ATP12A: variants seen among roughly 807,000 people sequenced by gnomAD.
The protein encoded by ATP12A is potassium-transporting ATPase alpha chain 2.
A neutral mutation model predicts 111.2 loss-of-function variants in ATP12A; 81 were observed. The ratio of observed to expected loss-of-function variants is 0.73; its 90% confidence interval spans 0.61 to 0.88. The LOEUF (loss-of-function observed/expected upper bound fraction) is 0.88, where lower values mean the gene tolerates loss of function less well. ATP12A is among the 40% of genes least tolerant of loss of function. ATP12A has a pLI of 0.00. For synonymous variants in ATP12A, 498 were observed against 499.8 expected, an observed-to-expected ratio of 1.00 and a Z score of 0.05; for missense variants, 1,196 against 1,313.1, an observed-to-expected ratio of 0.91 and a Z score of 1.38.
rs562044736 is a variant in ATP12A, at chr13:24,705,309, G to T, written c.2019-1004G>T. ...ATGTCAGAACTGAGAGCATCCAGCG[G>T]GCAGGAGGGAGAGCCCAAGGTGAGG... On this transcript the variant is annotated intron_variant, in intron 14 of 22. Coordinates refer to ENST00000381946, the MANE Select transcript of ATP12A (RefSeq NM_001676.7). Among the ~76,000 whole-genome samples the T allele has an allele frequency of 4.6e-5, 7 of 152,322 alleles. No individual in the cohort carries two copies. In the East Asian group the frequency reaches 1.4e-3, roughly 29 times the overall value.
At chr13:24,699,355 C>A (rs902397362) in intron 12 of ATP12A, among the ~76,000 whole-genome samples, 6 of 151,938 alleles carry the variant, frequency 3.9e-5, no homozygotes, top group Admixed American at 2.6e-4. Flanking sequence ...GCTGGGCAGT[C>A]GCAGGGCTGG....
chr13:24,697,964 C>G (rs1434700507), intron 11 of ATP12A, among the ~76,000 whole-genome samples: 2 of 152,124 alleles, frequency 1.3e-5, no homozygotes, highest in Non-Finnish European at 2.9e-5. Context: ...TGAGATTCCT[C>G]TTGAGTGCTT....
At chr13:24,686,440 C>CAAAA (rs60902451) in intron 3 of ATP12A, among the ~76,000 whole-genome samples, 9,039 of 93,464 alleles carry the variant, frequency 0.097, 429 homozygotes, top group Non-Finnish European at 0.14. Context: ...AACTCCATCT[C>CAAAA]AAAAAAAAAA....
chr13:24,711,222 G>A lies in ATP12A; in HGVS notation c.3000-96G>A, dbSNP rs569517062. Reference sequence around the variant, plus strand: ...TGGATTTGTCGTTCTTTGCAGTAAAGCAAGACAAATGAACGAGAAGCCCCA... The same window carrying A: ...TGGATTTGTCGTTCTTTGCAGTAAAACAAGACAAATGAACGAGAAGCCCCA... On this transcript the variant is annotated intron_variant, in intron 21 of 22. Transcript: ENST00000381946. The A allele has an allele frequency of 1.5e-4, 183 of 1,191,440 alleles. 1 individual carries two copies. In the South Asian group the frequency reaches 2.5e-3, roughly 16 times the overall value. 73.8% of individuals were successfully genotyped at this position (1,191,440 alleles called of 1,614,324 possible). A position where few individuals can be genotyped will look rare whatever the true frequency, so the allele number is the denominator to read the frequency against.
chr13:24,699,595 A>C (rs1875307562), intron 12 of ATP12A, among the ~76,000 whole-genome samples: 1 of 152,200 alleles, frequency 6.6e-6, no homozygotes. Context: ...ATAATGTTTA[A>C]AAATGATTAA....
At position 24,688,432 on chromosome 13, in the gene ATP12A, G is replaced by T. The variant is rs200518575; in HGVS notation, c.342G>T (p.Gly114=). Residue 114 remains glycine (G), a synonymous_variant, in exon 4 of 23, where the codon GGG becomes GGT. Coordinates refer to ENST00000381946, the MANE Select transcript of ATP12A (RefSeq NM_001676.7). ...IVKFLKQMVG[G]FSILLWVGAF... ...AGTTCCTCAAGCAGATGGTGGGGGG[G>T]TTCTCTATCCTCCTGTGGGTGGGCG... 89 of 1,613,992 alleles carry T rather than the reference G, an allele frequency of 5.5e-5. 3 individuals carry two copies. Among genetic ancestry groups the T allele is most frequent in the South Asian group, 4.9e-4 (45 of 91,064 alleles).
rs201549862 is a variant in ATP12A, at chr13:24,690,334, G to T, written c.547-4G>T. Reference sequence around the variant, plus strand: ...GAGGCATCTGTCATGGTTTTTTTCTGCAGCAAGCTCTCGTCATCCGAGATT... The same window carrying T: ...GAGGCATCTGTCATGGTTTTTTTCTTCAGCAAGCTCTCGTCATCCGAGATT... On this transcript the variant is annotated splice_region_variant and splice_polypyrimidine_tract_variant and intron_variant, in intron 5 of 22. Transcript: ENST00000381946. 32 of 1,612,222 alleles carry T rather than the reference G, an allele frequency of 2.0e-5. No homozygotes were observed. Among genetic ancestry groups the T allele is most frequent in the East Asian group, 8.9e-5 (4 of 44,846 alleles).
intron 17 of ATP12A, 108 bp from the exon 18 acceptor site, chr13:24,709,256 G>GGCCCCC: frequency 1.5e-5 from 9 of 584,592 alleles, no homozygotes; most frequent in Non-Finnish European, 2.5e-5. Flanking sequence ...CCAGCTCCAT[G>GGCCCCC]CCCCCCACCC....
rs145226660 is a variant in ATP12A at position 24,690,563 on chromosome 13, T to C, written c.682-41T>C. On this transcript the variant is annotated intron_variant, in intron 6 of 22. Coordinates refer to ENST00000381946, the MANE Select transcript of ATP12A (RefSeq NM_001676.7). Reference sequence around the variant, plus strand: ...CAGCATCAGTATAAGAGGCAGGGAATGAGGTACCCAGCTGTGAACCACCTT... The same window carrying C: ...CAGCATCAGTATAAGAGGCAGGGAACGAGGTACCCAGCTGTGAACCACCTT... 9.1e-5 allele frequency: 146 copies of C among 1,602,354 alleles called. 2 individuals carry two copies. The African/African-American group carries it at 1.8e-3, about 20-fold the overall frequency.
intron 10 of ATP12A, among the ~76,000 whole-genome samples, chr13:24,693,778 A>AT (rs2137701203): frequency 6.6e-6 from 1 of 152,334 alleles, no homozygotes; most frequent in Admixed American, 6.5e-5. Context: ...CTTTCCTTAT[A>AT]TCCAGTAAGC....
chr13:24,681,778 G>T (rs1033115160), intron 2 of ATP12A, 58 bp downstream of exon 2: 2 of 1,604,442 alleles, frequency 1.2e-6, no homozygotes, highest in Middle Eastern at 1.7e-4. Flanking sequence ...GCAAGAGCTT[G>T]CCCCTAGAAC....
chr13:24,710,919 G>A lies in ATP12A; in HGVS notation c.2999+26G>A, dbSNP rs759098352. 9 of 1,595,770 alleles carry A rather than the reference G, an allele frequency of 5.6e-6. No homozygotes were observed. The East Asian group carries it at 1.3e-4, about 24-fold the overall frequency. On this transcript the variant is annotated intron_variant, in intron 21 of 22. Transcript: ENST00000381946. ...GTGAGTTCACCCTCAACAGCATGGA[G>A]GAAAGAGCCAGCCTCTGCTTTGAGC... is the stretch of plus-strand genomic sequence containing the variant.
At chr13:24,690,891 G>A (rs1874867203) in intron 7 of ATP12A, 91 bp from the exon 8 acceptor site, 9 of 1,543,664 alleles carry the variant, frequency 5.8e-6, no homozygotes, top group South Asian at 2.4e-5. Flanking sequence ...TGTGCCTATC[G>A]ATTGTGCCAG....
chr13:24,681,436 C>CGG, intron 1 of ATP12A, 126 bp from the exon 2 acceptor site: 1 of 1,190,630 alleles, frequency 8.4e-7, no homozygotes, highest in Non-Finnish European at 1.2e-6. Flanking sequence ...CCGGCCTCCC[C>CGG]AGAGGAGGGA....
chr13:24,682,042 GT>G (rs1874470920), intron 2 of ATP12A, among the ~76,000 whole-genome samples: 2 of 134,114 alleles, frequency 1.5e-5, no homozygotes, highest in African/African-American at 2.8e-5. Flanking sequence ...GTGTGTATGT[GT>G]GTGGTGTGTG....
intron 4 of ATP12A, among the ~76,000 whole-genome samples, chr13:24,688,862 C>T (rs1280059436): frequency 1.3e-5 from 2 of 152,098 alleles, no homozygotes; most frequent in Admixed American, 6.5e-5. Context: ...CTGAATTGGC[C>T]AACGTGATGC....
At chr13:24,687,717 G>A (rs948814830) in intron 3 of ATP12A, among the ~76,000 whole-genome samples, 1 of 152,166 alleles carries the variant, frequency 6.6e-6, no homozygotes, top group Non-Finnish European at 1.5e-5. Context: ...TGTGTAGAAA[G>A]GTGGAAAAGG....
Position 24,680,479 on chromosome 13 carries a change from C to T in ATP12A, c.-265C>T, listed in dbSNP as rs1049916850. On this transcript the variant is annotated 5_prime_UTR_variant, in exon 1 of 23. Coordinates refer to ENST00000381946, the MANE Select transcript of ATP12A (RefSeq NM_001676.7). ...GCGCGCGCGCCGGCGGGTTTCCTAC[C>T]CTCCGAGGCGTCCGCTGGCCTGCGC... The T allele has an allele frequency of 1.1e-5, 5 of 443,246 alleles. No homozygotes were observed. Among genetic ancestry groups the T allele is most frequent in the African/African-American group, 1.0e-4 (5 of 47,766 alleles). The allele number at this position is 443,246 out of a possible 1,614,324, so 27.5% of individuals were successfully genotyped here.
chr13:24,690,343 T>G lies in ATP12A; in HGVS notation c.552T>G (p.Ala184=), dbSNP rs772872343. ...GTCATGGTTTTTTTCTGCAGCAAGC[T>G]CTCGTCATCCGAGATTCCGAGAAGA... ...SSFNKMIPQQ[A]LVIRDSEKKT... Residue 184 remains alanine (A), a synonymous_variant, in exon 6 of 23, where the codon GCT becomes GCG. Transcript: ENST00000381946. 1.2e-5 allele frequency: 20 copies of G among 1,611,972 alleles called. No individual in the cohort carries two copies. Among genetic ancestry groups the G allele is most frequent in the Admixed American group, 3.3e-5 (2 of 59,736 alleles).
Sources: gnomAD v4.1 joint callset for allele counts (sites outside exome capture counted in the v4.1 genomes callset) on GRCh38, gnomAD v4.1.1 for gene constraint, MANE v1.5 for transcripts, NCBI Gene and HGNC (gene_info 2026-07-23, HGNC 2026-07-21) for gene names.